RICTOR: variants seen among roughly 807,000 people sequenced by gnomAD.
RICTOR encodes RPTOR independent companion of MTOR complex 2.
In RICTOR, 49 loss-of-function variants were observed where a neutral mutation model predicts 214.9. The observed-to-expected ratio is 0.23, with a 90% confidence interval of 0.18 to 0.29. The LOEUF is 0.29. RICTOR is among the 10% of genes least tolerant of loss of function. RICTOR has a pLI of 1.00. For missense variants in RICTOR, 1,625 were observed against 2,047.0 expected (o/e 0.79, Z 3.98); for synonymous variants, 717 against 711.3 (o/e 1.01, Z -0.13).
chr5:38,967,527 A>C, intron 12 of RICTOR, 100 bp from the exon 13 acceptor site: 1 of 858,352 alleles, frequency 1.2e-6, no homozygotes, highest in Non-Finnish European at 1.9e-6. Context: ...AGAACTTTAA[A>C]AAGTGCTGGT....
At chr5:39,033,303 T>C (rs1174953665) in intron 2 of RICTOR, among the ~76,000 whole-genome samples, 1 of 151,834 alleles carries the variant, frequency 6.6e-6, no homozygotes, top group African/African-American at 2.4e-5. Flanking sequence ...TTGCCCAGGC[T>C]GGAGCGCTGG....
chr5:39,068,862 G>A (rs1759096466), intron 2 of RICTOR, among the ~76,000 whole-genome samples: 1 of 152,160 alleles, frequency 6.6e-6, no homozygotes, highest in African/African-American at 2.4e-5. Flanking sequence ...GGTACACTTT[G>A]GGGTGCAAAG....
intron 2 of RICTOR, among the ~76,000 whole-genome samples, chr5:39,047,357 G>C (rs940257911): frequency 1.3e-5 from 2 of 152,124 alleles, no homozygotes; most frequent in Admixed American, 6.5e-5. Flanking sequence ...TCACAATAGG[G>C]TTCATGTTCC....
chr5:39,067,713 A>G (rs560961874), intron 2 of RICTOR, among the ~76,000 whole-genome samples: 1 of 152,358 alleles, frequency 6.6e-6, no homozygotes, highest in East Asian at 1.9e-4. Context: ...ACACATTTAT[A>G]TAATCACGTG....
rs1747934726 is a variant in RICTOR at position 38,944,308 on chromosome 5, A to G, written c.4913+138T>C. On this transcript the variant is annotated intron_variant, in intron 36 of 37. Coordinates refer to ENST00000357387, the MANE Select transcript of RICTOR (RefSeq NM_152756.5). ...TTGGCTGAAGTATTAAAGAAAATCT[A>G]GCCTCACACAGGTATGCAATGCAGT... 3.4e-5 allele frequency: 28 copies of G among 835,338 alleles called. No individual in the cohort carries two copies. In the South Asian group the frequency reaches 3.9e-4, roughly 12 times the overall value. The allele number at this position is 835,338 out of a possible 1,614,324, so 51.7% of individuals were successfully genotyped here.
chr5:39,019,102 G>A (rs1057392863), intron 3 of RICTOR, among the ~76,000 whole-genome samples: 1 of 152,116 alleles, frequency 6.6e-6, no homozygotes, highest in African/African-American at 2.4e-5. Context: ...TGTTATGAAG[G>A]CTGAGAGGTG....
intron 9 of RICTOR, 121 bp from the exon 10 acceptor site, chr5:38,975,725 TAAAACAAGACAAA>T: frequency 1.9e-6 from 1 of 539,960 alleles, no homozygotes; most frequent in Non-Finnish European, 3.1e-6. Context: ...CACATAAAAT[TAAAACAAGACAAA>T]GATCAGATCT....
intron 2 of RICTOR, among the ~76,000 whole-genome samples, chr5:39,068,565 T>C (rs997351665): frequency 5.3e-5 from 8 of 152,208 alleles, no homozygotes; most frequent in African/African-American, 1.9e-4. Context: ...TGTATGTGTT[T>C]TGTTTTGTTT....
chr5:38,957,394 ATGAGT>A (rs1399178110), intron 25 of RICTOR, among the ~76,000 whole-genome samples: 2 of 152,196 alleles, frequency 1.3e-5, no homozygotes, highest in Non-Finnish European at 2.9e-5. Context: ...ATAAAATCAA[ATGAGT>A]TGAGAGTCAA....
At chr5:38,955,031 G>C in intron 26 of RICTOR, 170 bp from the exon 27 acceptor site, 1 of 446,046 alleles carries the variant, frequency 2.2e-6, no homozygotes, top group East Asian at 3.6e-5. Context: ...ATATAGGCTG[G>C]GCTTCCCTAA....
chr5:39,019,014 T>G (rs549925228), intron 3 of RICTOR, among the ~76,000 whole-genome samples: 1 of 152,136 alleles, frequency 6.6e-6, no homozygotes, highest in African/African-American at 2.4e-5. Flanking sequence ...GTGGTCCAGA[T>G]AGAAGATTAA....
intron 2 of RICTOR, among the ~76,000 whole-genome samples, chr5:39,045,151 C>T (rs765935051): frequency 3.3e-5 from 5 of 152,166 alleles, no homozygotes; most frequent in African/African-American, 7.2e-5. Context: ...TGGTAGACAA[C>T]TGAACCAAAT....
Position 38,953,477 on chromosome 5 carries a change from G to T in RICTOR, c.2774C>A (p.Ala925Glu). The change falls in exon 28 of 38, where the codon GCA becomes GAA. Residue 925 changes from alanine to glutamate, a missense_variant. Ala to Glu is a moderately radical substitution (Grantham distance 107). Coordinates refer to ENST00000357387, the MANE Select transcript of RICTOR (RefSeq NM_152756.5). ...ATTACAAACCAAGGCCCAAAGAGATGCTTTCAGTTTTTTAATTTCTTCCCA... is the reference window on the plus strand; with the variant it reads ...ATTACAAACCAAGGCCCAAAGAGATTCTTTCAGTTTTTTAATTTCTTCCCA... ...DKWEEIKKLK[A>E]SLWALGNIGS... 6.8e-7 allele frequency: 1 copy of T among 1,467,690 alleles called. No individual in the cohort carries two copies. Among genetic ancestry groups the T allele is most frequent in the Non-Finnish European group, 9.2e-7 (1 of 1,092,560 alleles). 90.9% of individuals were successfully genotyped at this position (1,467,690 alleles called of 1,614,324 possible).
In RICTOR at chr5:38,942,373, A is replaced by G; in HGVS notation, c.5058T>C (p.His1686=). 2 of 1,587,386 alleles carry G rather than the reference A, an allele frequency of 1.3e-6. No homozygotes were observed. The highest frequency in any genetic ancestry group is 1.7e-6 in the Non-Finnish European group (2 of 1,161,930). ...LFQDVQFLQM[H]EEAEAVLATP... ...TTGCCAACACAGCCTCTGCTTCTTC[A>G]TGCATCTAGGGAAAAAATGGTGTAT... The change falls in exon 38 of 38, where the codon CAT becomes CAC. Residue 1686 remains histidine, a synonymous_variant. Transcript: ENST00000357387.
chr5:39,045,996 A>C (rs1043669922), intron 2 of RICTOR, among the ~76,000 whole-genome samples: 3 of 150,462 alleles, frequency 2.0e-5, no homozygotes, highest in Non-Finnish European at 3.0e-5. Context: ...TTCTTCATGG[A>C]TCGTCAGTCT....
At chr5:38,972,302 T>G (rs1258354783) in intron 10 of RICTOR, among the ~76,000 whole-genome samples, 1 of 152,180 alleles carries the variant, frequency 6.6e-6, no homozygotes, top group African/African-American at 2.4e-5. Context: ...TCTTTTATAC[T>G]CCTCACTTTA....
intron 4 of RICTOR, among the ~76,000 whole-genome samples, chr5:39,003,099 T>G (rs1241367911): frequency 6.6e-6 from 1 of 152,100 alleles, no homozygotes; most frequent in Non-Finnish European, 1.5e-5. Flanking sequence ...TTTATGCCAA[T>G]AGCAGGCACA....
At chr5:38,990,635 C>A (rs1280841546) in intron 7 of RICTOR, among the ~76,000 whole-genome samples, 625 of 46,030 alleles carry the variant, frequency 0.014, 40 homozygotes, top group Middle Eastern at 0.036. Flanking sequence ...ATATATATAT[C>A]TGACATATAT....
intron 2 of RICTOR, among the ~76,000 whole-genome samples, chr5:39,032,776 T>G (rs1004979759): frequency 6.6e-6 from 1 of 152,158 alleles, no homozygotes; most frequent in East Asian, 1.9e-4. Flanking sequence ...CGACAAACCA[T>G]GAAGCACTTC....
Sources: allele counts gnomAD v4.1 joint callset (sites outside exome capture counted in the v4.1 genomes callset), GRCh38; gene constraint gnomAD v4.1.1; transcripts MANE v1.5; gene names NCBI Gene and HGNC (gene_info 2026-07-23, HGNC 2026-07-21).